SGPP2: variants seen among roughly 807,000 people sequenced by gnomAD.
The protein encoded by SGPP2 is sphingosine-1-phosphate phosphatase 2.
A neutral mutation model predicts 33.9 loss-of-function variants in SGPP2; 30 were observed. The ratio of observed to expected loss-of-function variants is 0.89; its 90% CI spans 0.66 to 1.20. The LOEUF is 1.20. Among genes scored for constraint, SGPP2 ranks in the 50% most tolerant of loss-of-function variants. SGPP2 has a pLI of 0.00. For synonymous variants in SGPP2, 233 were observed against 225.0 expected, an observed-to-expected ratio of 1.04 and a Z score of -0.32; for missense variants, 458 against 532.1, an observed-to-expected ratio of 0.86 and a Z score of 1.37.
In SGPP2 at chr2:222,501,596, C is replaced by T. The variant is rs187549230; in HGVS notation, c.379-20171C>T. On this transcript the variant is annotated intron_variant, in intron 2 of 4. Transcript: ENST00000321276. ...ATCAGACTCTTGGTCAGCAAAATGG[C>T]AGACCTGACCTCACCTCATCAGGAG... 3.2e-4 allele frequency among the ~76,000 whole-genome samples: 49 copies of T among 152,268 alleles called. 1 individual carries two copies. In the East Asian group the frequency reaches 9.1e-3, roughly 28 times the overall value.
chr2:222,512,533 A>G (rs1698545083), intron 2 of SGPP2, among the ~76,000 whole-genome samples: 1 of 152,066 alleles, frequency 6.6e-6, no homozygotes, highest in South Asian at 2.1e-4. Context: ...TTGGTGCTGT[A>G]TGTTTATGGG....
chr2:222,437,921 A>C (rs1050261213), intron 1 of SGPP2, among the ~76,000 whole-genome samples: 1 of 152,174 alleles, frequency 6.6e-6, no homozygotes, highest in African/African-American at 2.4e-5. Context: ...TAGCATCCCT[A>C]TCTGCCACTG....
At chr2:222,445,440 C>G (rs528945693) in intron 1 of SGPP2, among the ~76,000 whole-genome samples, 1 of 152,310 alleles carries the variant, frequency 6.6e-6, no homozygotes, top group Non-Finnish European at 1.5e-5. Context: ...TCCCTCTTGT[C>G]CCACACCTGC....
intron 4 of SGPP2, among the ~76,000 whole-genome samples, chr2:222,539,246 T>A (rs1698958279): frequency 6.6e-6 from 1 of 152,348 alleles, no homozygotes; most frequent in East Asian, 1.9e-4. Flanking sequence ...TGGCCCCATG[T>A]GAGTCCAAAA....
At chr2:222,516,869 CTAAG>C (rs1284840406) in intron 2 of SGPP2, among the ~76,000 whole-genome samples, 1 of 152,202 alleles carries the variant, frequency 6.6e-6, no homozygotes, top group African/African-American at 2.4e-5. Context: ...AGGTACTATA[CTAAG>C]TGTTTTGCAT....
rs368194576 is a variant in SGPP2, at chr2:222,558,519, G to C, written c.821G>C (p.Arg274Pro). The change falls in exon 5 of 5, where the codon CGG (arginine) becomes CCG (proline). Residue 274 changes from arginine (R) to proline (P), a missense_variant. By Grantham distance (103) the Arg-to-Pro change is moderately radical. Transcript: ENST00000321276. ...YPVSDYYSPT[R>P]ADTTTILAAG... is the part of the protein sequence containing the mutation. ...GTTTCTGATTACTACAGCCCAACCCGGGCGGACACCACCACCATTCTGGCT... is the reference window on the plus strand; with the variant it reads ...GTTTCTGATTACTACAGCCCAACCCCGGCGGACACCACCACCATTCTGGCT... 6.2e-7 allele frequency: 1 copy of C among 1,614,124 alleles called. No homozygotes were observed. The highest frequency in any genetic ancestry group is 1.7e-5 in the Admixed American group (1 of 60,014).
At chr2:222,531,400 T>C (rs776870869) in intron 4 of SGPP2, among the ~76,000 whole-genome samples, 2 of 152,208 alleles carry the variant, frequency 1.3e-5, no homozygotes, top group African/African-American at 2.4e-5. Context: ...GAAGACATTA[T>C]GTTAAGTGAG....
chr2:222,441,295 C>T (rs1697321996), intron 1 of SGPP2, among the ~76,000 whole-genome samples: 1 of 152,150 alleles, frequency 6.6e-6, no homozygotes, highest in Non-Finnish European at 1.5e-5. Flanking sequence ...TCTTCTCCCA[C>T]AAGTAGTTTT....
At chr2:222,547,331 C>T (rs1219318547) in intron 4 of SGPP2, among the ~76,000 whole-genome samples, 1 of 152,156 alleles carries the variant, frequency 6.6e-6, no homozygotes, top group East Asian at 1.9e-4. Context: ...TATAACCTGC[C>T]TGGAGGCTTG....
At position 222,559,159 on chromosome 2, in the gene SGPP2, G is replaced by T. The variant is rs879069283; in HGVS notation, c.*261G>T. ...ATCCGGATCTTTAAAGGCACACACC[G>T]CGCCCCCCCCCCCCCCGCCCGGCCC... On this transcript the variant is annotated 3_prime_UTR_variant, in exon 5 of 5. Transcript: ENST00000321276. 2 of 25,898 alleles carry T rather than the reference G, an allele frequency of 7.7e-5. No individual in the cohort carries two copies. Among genetic ancestry groups the T allele is most frequent in the Non-Finnish European group, 7.0e-5 (1 of 14,302 alleles). 1.6% of individuals were successfully genotyped at this position (25,898 alleles called of 1,614,324 possible).
intron 1 of SGPP2, among the ~76,000 whole-genome samples, chr2:222,436,657 G>A (rs552268054): frequency 1.3e-5 from 2 of 152,318 alleles, no homozygotes; most frequent in South Asian, 4.1e-4. Flanking sequence ...GGGATACTAT[G>A]ACGGTAGATA....
chr2:222,452,397 C>T, intron 1 of SGPP2: 2 of 747,588 alleles, frequency 2.7e-6, no homozygotes, highest in South Asian at 2.7e-5. Flanking sequence ...ATTTCACTCT[C>T]CTTCACAGAT....
intron 2 of SGPP2, among the ~76,000 whole-genome samples, chr2:222,475,855 C>T (rs921447029): frequency 1.3e-5 from 2 of 152,202 alleles, no homozygotes; most frequent in Non-Finnish European, 2.9e-5. Context: ...TGTGCCCTTG[C>T]GCTGAGCCTT....
At chr2:222,445,774 C>T (rs1369129260) in intron 1 of SGPP2, among the ~76,000 whole-genome samples, 1 of 152,184 alleles carries the variant, frequency 6.6e-6, no homozygotes, top group Non-Finnish European at 1.5e-5. Flanking sequence ...ACCCCGAAGG[C>T]TTAGATGTCC....
intron 1 of SGPP2, among the ~76,000 whole-genome samples, chr2:222,451,429 TTGTC>T (rs1306208115): frequency 2.6e-5 from 4 of 152,228 alleles, no homozygotes; most frequent in African/African-American, 9.6e-5. Flanking sequence ...AGTTGCCTCT[TTGTC>T]TGGTCTCATA....
chr2:222,495,422 A>G (rs1324641488), intron 2 of SGPP2, among the ~76,000 whole-genome samples: 1 of 152,152 alleles, frequency 6.6e-6, no homozygotes, highest in Non-Finnish European at 1.5e-5. Context: ...TCAAAAAAAT[A>G]AAAATTAAAA....
intron 2 of SGPP2, among the ~76,000 whole-genome samples, chr2:222,505,174 A>T (rs975640890): frequency 6.6e-6 from 1 of 152,238 alleles, no homozygotes; most frequent in Non-Finnish European, 1.5e-5. Flanking sequence ...CCACACATGC[A>T]TGCATTCTCT....
chr2:222,482,710 A>ACAGC (rs1433770867), intron 2 of SGPP2, among the ~76,000 whole-genome samples: 1 of 152,180 alleles, frequency 6.6e-6, no homozygotes, highest in Non-Finnish European at 1.5e-5. Flanking sequence ...ACAGCCAGAC[A>ACAGC]CAGCCCCTGG....
intron 2 of SGPP2, among the ~76,000 whole-genome samples, chr2:222,509,322 CAT>C (rs1386012728): frequency 1.3e-5 from 2 of 152,064 alleles, no homozygotes; most frequent in Non-Finnish European, 2.9e-5. Flanking sequence ...CAGAATATCA[CAT>C]GTCCCCCCAA....
Sources: allele counts gnomAD v4.1 joint callset (sites outside exome capture counted in the v4.1 genomes callset), GRCh38; gene constraint gnomAD v4.1.1; transcripts MANE v1.5; gene names NCBI Gene and HGNC (gene_info 2026-07-23, HGNC 2026-07-21).